The following POC1B variants were observed in gnomAD, a reference collection of about 807,000 sequenced individuals.
The protein encoded by POC1B is POC1 centriolar protein B.
POC1B carries 44 observed loss-of-function variants against 60.6 expected under a neutral mutation model. The ratio of observed to expected loss-of-function variants is 0.73; its 90% CI spans 0.57 to 0.93. The LOEUF is 0.93. Ranked by LOEUF, POC1B falls within the 40% of genes least tolerant of loss-of-function variation. The pLI is 0.00. For missense variants in POC1B, 555 were observed against 572.3 expected, an observed-to-expected ratio of 0.97 and a Z score of 0.31; for synonymous variants, 180 against 198.9, an observed-to-expected ratio of 0.90 and a Z score of 0.80.
Position 89,431,224 on chromosome 12 carries a change from G to A in POC1B, c.1114-5845C>T, listed in dbSNP as rs532058126. Among the ~76,000 whole-genome samples, 24 of 152,204 alleles carry A rather than the reference G, an allele frequency of 1.6e-4. 1 individual carries two copies. Among genetic ancestry groups the A allele is most frequent in the Non-Finnish European group, 2.9e-4 (20 of 68,014 alleles). ...GTTTACAACTAACATTTCTACTCTT[G>A]GTTTAATTCTGTAAGTAGAGAAGAA... On this transcript the variant is annotated intron_variant, in intron 10 of 11. Transcript: ENST00000313546.
At chr12:89,519,571 T>C (rs1272617970) in intron 2 of POC1B, 3 of 152,602 alleles carry the variant, frequency 2.0e-5, no homozygotes, top group Admixed American at 6.5e-5. Flanking sequence ...TTTAAAATTA[T>C]TAAAACAGGA....
At chr12:89,480,746 G>A (rs1283190600) in intron 4 of POC1B, among the ~76,000 whole-genome samples, 7 of 151,852 alleles carry the variant, frequency 4.6e-5, no homozygotes, top group African/African-American at 1.2e-4. Flanking sequence ...GACTACAGGC[G>A]CCCGCCACCT....
At chr12:89,522,615 T>C (rs550328256) in intron 2 of POC1B, 146 of 498,434 alleles carry the variant, frequency 2.9e-4, no homozygotes, top group African/African-American at 2.8e-3. Flanking sequence ...AAGTAAGGCA[T>C]TGTGAAATAT....
intron 10 of POC1B, among the ~76,000 whole-genome samples, chr12:89,447,032 C>T (rs974870490): frequency 6.6e-6 from 1 of 152,106 alleles, no homozygotes; most frequent in Non-Finnish European, 1.5e-5. Context: ...ATAGTCATAG[C>T]ACTTTGTAGG....
At chr12:89,441,063 G>A (rs1245181281) in intron 10 of POC1B, among the ~76,000 whole-genome samples, 1 of 152,222 alleles carries the variant, frequency 6.6e-6, no homozygotes, top group Admixed American at 6.5e-5. Context: ...AGCAAGGCTG[G>A]GGGAGGGGCG....
intron 2 of POC1B, chr12:89,522,979 G>A (rs1871020174): frequency 6.2e-7 from 1 of 1,614,042 alleles, no homozygotes; most frequent in Non-Finnish European, 8.5e-7. Flanking sequence ...TGCTGGTACA[G>A]GGAACCCATC....
intron 4 of POC1B, among the ~76,000 whole-genome samples, chr12:89,473,898 C>T (rs993920934): frequency 9.2e-5 from 14 of 151,816 alleles, no homozygotes; most frequent in African/African-American, 3.4e-4. Flanking sequence ...CACGGATAAA[C>T]TTGGCATAAT....
chr12:89,415,464 A>C (rs2120614515), downstream of POC1B, among the ~76,000 whole-genome samples: 1 of 152,314 alleles, frequency 6.6e-6, no homozygotes, highest in African/African-American at 2.4e-5. Context: ...CAACATGGTG[A>C]AACCCCGTCT....
chr12:89,430,523 C>T (rs1370371639), intron 10 of POC1B, among the ~76,000 whole-genome samples: 1 of 152,144 alleles, frequency 6.6e-6, no homozygotes, highest in Non-Finnish European at 1.5e-5. Context: ...TACTGTGGTG[C>T]TCAACTACGT....
intron 10 of POC1B, among the ~76,000 whole-genome samples, chr12:89,430,748 C>A (rs1437210829): frequency 6.6e-6 from 1 of 152,074 alleles, no homozygotes; most frequent in South Asian, 2.1e-4. Flanking sequence ...GATTATGAAC[C>A]CCTCATGTGG....
At chr12:89,448,464 A>C (rs571451571) in intron 10 of POC1B, among the ~76,000 whole-genome samples, 147 of 152,342 alleles carry the variant, frequency 9.6e-4, no homozygotes, top group Non-Finnish European at 1.8e-3. Flanking sequence ...CCATCAAAGG[A>C]AATTTCTGCA....
intron 3 of POC1B, among the ~76,000 whole-genome samples, chr12:89,492,825 A>C (rs1047165549): frequency 1.3e-5 from 2 of 152,062 alleles, no homozygotes; most frequent in African/African-American, 4.8e-5. Flanking sequence ...ATATCTTCTG[A>C]ATCCTCCTCT....
chr12:89,522,908 G>C, intron 2 of POC1B: 1 of 1,614,030 alleles, frequency 6.2e-7, no homozygotes, highest in Non-Finnish European at 8.5e-7. Context: ...TAAGCACTAA[G>C]ACACAGTCCT....
chr12:89,525,393 C>T (rs1871367437), intron 1 of POC1B, 189 bp from the exon 2 acceptor site: 1 of 1,390,522 alleles, frequency 7.2e-7, no homozygotes, highest in Non-Finnish European at 9.3e-7. Flanking sequence ...AGGGAGACGC[C>T]GGCGCCAGCT....
chr12:89,430,229 T>C (rs905195261), intron 10 of POC1B, among the ~76,000 whole-genome samples: 28 of 152,194 alleles, frequency 1.8e-4, no homozygotes, highest in Non-Finnish European at 3.4e-4. Context: ...ATCTGACTGA[T>C]GCAAAGAACT....
chr12:89,446,522 T>C (rs1210345596), intron 10 of POC1B, among the ~76,000 whole-genome samples: 1 of 152,144 alleles, frequency 6.6e-6, no homozygotes, highest in East Asian at 1.9e-4. Flanking sequence ...AAACACCGCA[T>C]GTTCTCACTC....
chr12:89,405,610 T>TA, the POC1B span, among the ~76,000 whole-genome samples: 31 of 151,338 alleles, frequency 2.0e-4, no homozygotes, highest in Admixed American at 1.3e-3. Context: ...CTGCAAGTAA[T>TA]AAAAAAAAAT....
At chr12:89,523,247 A>T (rs541380908) in intron 2 of POC1B, 1 of 1,614,034 alleles carries the variant, frequency 6.2e-7, no homozygotes, top group East Asian at 2.2e-5. Flanking sequence ...GGAACATGTA[A>T]ATTAGGAAAA....
At chr12:89,523,822 C>A in intron 2 of POC1B, 1 of 1,541,366 alleles carries the variant, frequency 6.5e-7, no homozygotes, top group Non-Finnish European at 8.7e-7. Flanking sequence ...TCTCCCAATC[C>A]TTTCCAAAAG....
Sources: gnomAD v4.1 joint callset for allele counts (sites outside exome capture counted in the v4.1 genomes callset) on GRCh38, gnomAD v4.1.1 for gene constraint, MANE v1.5 for transcripts, NCBI Gene and HGNC (gene_info 2026-07-23, HGNC 2026-07-21) for gene names.